Variants in MAP4K4 observed in about 807,000 individuals in gnomAD.
The protein encoded by MAP4K4 is mitogen-activated protein kinase kinase kinase kinase 4.
A neutral mutation model predicts 189.6 loss-of-function variants in MAP4K4; 38 were observed. The observed-to-expected ratio is 0.20, with a 90% CI of 0.15 to 0.26. MAP4K4 has a LOEUF of 0.26. Among genes scored for constraint, MAP4K4 ranks in the 10% least tolerant of loss-of-function variants. The pLI is 1.00. For synonymous variants in MAP4K4, 610 were observed against 624.3 expected, an observed-to-expected ratio of 0.98 and a Z score of 0.34; for missense variants, 1,054 against 1,726.9, an observed-to-expected ratio of 0.61 and a Z score of 6.91.
chr2:101,854,387 G>A (rs971992778), intron 12 of MAP4K4, among the ~76,000 whole-genome samples: 2 of 152,178 alleles, frequency 1.3e-5, no homozygotes, highest in African/African-American at 4.8e-5. Context: ...CCCATGGGAA[G>A]CTGATGAGTT....
At chr2:101,790,086 C>T (rs546337230) in intron 2 of MAP4K4, among the ~76,000 whole-genome samples, 26 of 152,084 alleles carry the variant, frequency 1.7e-4, no homozygotes, top group Admixed American at 5.9e-4. Flanking sequence ...TTGATAGTTT[C>T]GTCATGTTAT....
rs569572716 is a variant in MAP4K4, at chr2:101,849,916, G to T, written c.1233+5605G>T. Among the ~76,000 whole-genome samples the T allele has an allele frequency of 1.2e-3, 177 of 151,958 alleles. 1 individual carries two copies. Among genetic ancestry groups the T allele is most frequent in the Non-Finnish European group, 2.1e-3 (140 of 67,946 alleles). Reference sequence around the variant, plus strand: ...GAAAATAAAAATATTAAACAAGATGGTGTCCTGGAGAAAACCTGATTAGTT... The same window carrying T: ...GAAAATAAAAATATTAAACAAGATGTTGTCCTGGAGAAAACCTGATTAGTT... On this transcript the variant is annotated intron_variant, in intron 12 of 32. Coordinates refer to ENST00000324219, the Ensembl canonical transcript of MAP4K4.
intron 2 of MAP4K4, among the ~76,000 whole-genome samples, chr2:101,730,149 T>C (rs943399367): frequency 2.0e-5 from 3 of 152,250 alleles, no homozygotes; most frequent in Non-Finnish European, 4.4e-5. Context: ...TCATGTACTT[T>C]GTATGTGAAA....
At chr2:101,720,640 G>T (rs1232797294) in intron 2 of MAP4K4, among the ~76,000 whole-genome samples, 1 of 152,124 alleles carries the variant, frequency 6.6e-6, no homozygotes, top group Non-Finnish European at 1.5e-5. Flanking sequence ...CATCTTACTC[G>T]TTAAAACAAA....
intron 2 of MAP4K4, among the ~76,000 whole-genome samples, chr2:101,739,567 A>G (rs2061749441): frequency 6.6e-6 from 1 of 152,200 alleles, no homozygotes; most frequent in South Asian, 2.1e-4. Flanking sequence ...CTGAGTGCTT[A>G]GTGCCTTATT....
rs1265776705 is a variant in MAP4K4, at chr2:101,824,293, A to G, written c.306+240A>G. Among the ~76,000 whole-genome samples, 8 of 152,332 alleles carry G rather than the reference A, an allele frequency of 5.3e-5. No homozygotes were observed. In the East Asian group the frequency reaches 5.8e-4, roughly 11 times the overall value. Reference sequence around the variant, plus strand: ...AAAGTTAACTTTGTGTTTCGGGAATAAAATGGCAGCATCTAGAAGGAATGT... The same window carrying G: ...AAAGTTAACTTTGTGTTTCGGGAATGAAATGGCAGCATCTAGAAGGAATGT... On this transcript the variant is annotated intron_variant, in intron 4 of 32. Transcript: ENST00000324219.
intron 2 of MAP4K4, among the ~76,000 whole-genome samples, chr2:101,725,939 A>T (rs941061031): frequency 6.6e-6 from 1 of 151,810 alleles, no homozygotes; most frequent in Non-Finnish European, 1.5e-5. Context: ...TGGCCACTTC[A>T]CGTTTATTTT....
At chr2:101,816,796 G>T (rs373082554) in intron 3 of MAP4K4, among the ~76,000 whole-genome samples, 18 of 152,282 alleles carry the variant, frequency 1.2e-4, no homozygotes, top group South Asian at 4.2e-4. Flanking sequence ...TAAACAGCCA[G>T]CCTCTAGTTC....
chr2:101,834,194 C>CTCCCTCCA (rs568532982), intron 7 of MAP4K4, among the ~76,000 whole-genome samples: 2,471 of 125,526 alleles, frequency 0.02, 106 homozygotes, highest in African/African-American at 0.064. Context: ...CCTCCCTCCC[C>CTCCCTCCA]TCCCTCCATC....
intron 2 of MAP4K4, among the ~76,000 whole-genome samples, chr2:101,718,464 AT>A (rs66883552): frequency 0.5 from 75,981 of 150,756 alleles, 21,529 homozygotes; most frequent in African/African-American, 0.78. Context: ...TTTTTGCCAG[AT>A]TTGTTTCCCA....
chr2:101,774,637 G>T (rs1407394481), intron 2 of MAP4K4, among the ~76,000 whole-genome samples: 4 of 152,104 alleles, frequency 2.6e-5, no homozygotes, highest in Non-Finnish European at 5.9e-5. Context: ...TTGAATCACT[G>T]CTGCCTCTCT....
intron 13 of MAP4K4, 22 bp downstream of exon 13, chr2:101,856,160 C>T (rs1437616569): frequency 1.1e-5 from 17 of 1,543,826 alleles, no homozygotes; most frequent in Non-Finnish European, 1.4e-5. Context: ...GATAACATAG[C>T]AGGCATACAC....
At chr2:101,750,655 T>G (rs908713353) in intron 2 of MAP4K4, among the ~76,000 whole-genome samples, 1 of 140,914 alleles carries the variant, frequency 7.1e-6, no homozygotes, top group Non-Finnish European at 1.5e-5. Flanking sequence ...AAACTTAAAG[T>G]ATATATATAA....
intron 2 of MAP4K4, among the ~76,000 whole-genome samples, chr2:101,771,272 A>G (rs143608655): frequency 1.3e-5 from 2 of 152,256 alleles, no homozygotes; most frequent in East Asian, 1.9e-4. Flanking sequence ...ATAATGGGAA[A>G]AGGAAGGAAC....
At chr2:101,770,978 A>C (rs2081164819) in intron 2 of MAP4K4, among the ~76,000 whole-genome samples, 2 of 152,222 alleles carry the variant, frequency 1.3e-5, no homozygotes, top group Admixed American at 1.3e-4. Flanking sequence ...TGATTCATTC[A>C]GTAACCATCC....
intron 28 of MAP4K4, 21 bp downstream of exon 28, chr2:101,882,706 A>G (rs776919618): frequency 5.3e-6 from 8 of 1,508,284 alleles, no homozygotes; most frequent in Non-Finnish European, 7.1e-6. Flanking sequence ...GAAGCGTCAT[A>G]TTTTGTTTTT....
At chr2:101,801,445 C>T (rs554777926) in intron 3 of MAP4K4, among the ~76,000 whole-genome samples, 30 of 152,140 alleles carry the variant, frequency 2.0e-4, no homozygotes, top group Non-Finnish European at 3.4e-4. Flanking sequence ...CGTAATGGCA[C>T]GTATGAAATA....
chr2:101,874,384 A>G (rs1406161878), intron 26 of MAP4K4, 132 bp downstream of exon 26: 1 of 746,332 alleles, frequency 1.3e-6, no homozygotes. Flanking sequence ...ATCTCCTGTT[A>G]TATGCAGAGT....
chr2:101,872,357 A>G (rs1183410403), intron 24 of MAP4K4, among the ~76,000 whole-genome samples: 4 of 152,176 alleles, frequency 2.6e-5, no homozygotes, highest in Admixed American at 2.6e-4. Flanking sequence ...TTAATTTAAA[A>G]TTTTGTGTGG....
Sources: allele counts gnomAD v4.1 joint callset (sites outside exome capture counted in the v4.1 genomes callset), GRCh38; gene constraint gnomAD v4.1.1; transcripts MANE v1.5; gene names NCBI Gene and HGNC (gene_info 2026-07-23, HGNC 2026-07-21).